UVRAG: variants seen among roughly 807,000 people sequenced by gnomAD.
The protein encoded by UVRAG is UV radiation resistance-associated gene protein.
In UVRAG, 19 loss-of-function variants were observed where a neutral mutation model predicts 78.0. That is an observed-to-expected ratio of 0.24 (90% CI 0.17 to 0.36). UVRAG has a LOEUF of 0.36. Ranked by LOEUF, UVRAG falls within the 10% of genes least tolerant of loss-of-function variation. The pLI is 1.00. For synonymous variants in UVRAG, 323 were observed against 324.6 expected, an observed-to-expected ratio of 1.00 and a Z score of 0.05; for missense variants, 740 against 853.8, an observed-to-expected ratio of 0.87 and a Z score of 1.66.
At chr11:75,955,536 A>T (rs1455544389) in intron 6 of UVRAG, among the ~76,000 whole-genome samples, 3 of 151,954 alleles carry the variant, frequency 2.0e-5, no homozygotes, top group Non-Finnish European at 4.4e-5. Flanking sequence ...CCGAGGTAAA[A>T]TTCACACACA....
chr11:76,116,923 G>A (rs554089941), intron 14 of UVRAG, among the ~76,000 whole-genome samples: 1 of 152,308 alleles, frequency 6.6e-6, no homozygotes, highest in East Asian at 1.9e-4. Flanking sequence ...CCAGATGTCT[G>A]GTCTTAGATA....
rs552386321 is a variant in UVRAG at position 75,872,038 on chromosome 11, A to C, written c.271-7841A>C. ...TATTGGAGTCTTTTTAAAAAAATTG[A>C]TGGGATATATTTGATCTAACTTGAT... On this transcript the variant is annotated intron_variant, in intron 3 of 14. Transcript: ENST00000356136. Among the ~76,000 whole-genome samples, 14 of 152,328 alleles carry C rather than the reference A, an allele frequency of 9.2e-5. No homozygotes were observed. The South Asian group carries it at 2.9e-3, about 32-fold the overall frequency.
chr11:76,117,646 T>C (rs1437760608), intron 14 of UVRAG, among the ~76,000 whole-genome samples: 1 of 152,076 alleles, frequency 6.6e-6, no homozygotes, highest in Non-Finnish European at 1.5e-5. Context: ...ATTGAACTTA[T>C]CCTCATAATC....
chr11:75,879,649 T>C (rs1274223219), intron 3 of UVRAG, among the ~76,000 whole-genome samples: 1 of 152,242 alleles, frequency 6.6e-6, no homozygotes, highest in Non-Finnish European at 1.5e-5. Context: ...AAGTGAGTGA[T>C]AGGAATATAC....
chr11:76,023,279 C>A (rs1365812430), intron 12 of UVRAG, among the ~76,000 whole-genome samples: 1 of 152,108 alleles, frequency 6.6e-6, no homozygotes, highest in African/African-American at 2.4e-5. Flanking sequence ...AAAGTGTAGG[C>A]CCTTCAGGTT....
At chr11:75,991,830 C>T (rs1230104193) in intron 8 of UVRAG, among the ~76,000 whole-genome samples, 1 of 151,972 alleles carries the variant, frequency 6.6e-6, no homozygotes, top group Non-Finnish European at 1.5e-5. Context: ...AGCAAATGAA[C>T]ATCTAAACAG....
intron 12 of UVRAG, among the ~76,000 whole-genome samples, chr11:76,042,666 C>CA (rs1398305410): frequency 1.3e-5 from 2 of 152,206 alleles, no homozygotes; most frequent in Admixed American, 6.5e-5. Context: ...TGCACTAAGA[C>CA]AGACACGTGG....
intron 7 of UVRAG, among the ~76,000 whole-genome samples, chr11:75,973,454 G>A (rs2135244502): frequency 6.6e-6 from 1 of 152,246 alleles, no homozygotes; most frequent in East Asian, 1.9e-4. Context: ...CTAATATTTT[G>A]TAGTGTCTTT....
intron 1 of UVRAG, among the ~76,000 whole-genome samples, chr11:75,849,725 A>G (rs1443470970): frequency 6.6e-6 from 1 of 152,204 alleles, no homozygotes; most frequent in Admixed American, 6.5e-5. Flanking sequence ...GCCGAACAAA[A>G]TAAGTGCTAT....
In UVRAG at chr11:76,004,013, T is replaced by A; in HGVS notation, c.835T>A (p.Phe279Ile). 1 of 1,613,772 alleles carries A rather than the reference T, an allele frequency of 6.2e-7. No homozygotes were observed. The highest frequency in any genetic ancestry group is 8.5e-7 in the Non-Finnish European group (1 of 1,179,822). Residue 279 changes from phenylalanine (F) to isoleucine (I), a missense_variant, in exon 9 of 15, where the codon TTT becomes ATT. Phe to Ile is a conservative substitution (Grantham distance 21, BLOSUM62 0). Coordinates refer to ENST00000356136, the MANE Select transcript of UVRAG (RefSeq NM_003369.4). ...QIALQDKGSA[F>I]SAEHLKLQLQ... ...CTTCCTTTTCTTTCTAGGAAGTGCA[T>A]TTTCAGCTGAGCACCTCAAACTTCA...
At chr11:75,908,621 A>G (rs1417724937) in intron 5 of UVRAG, among the ~76,000 whole-genome samples, 1 of 142,030 alleles carries the variant, frequency 7.0e-6, no homozygotes, top group Non-Finnish European at 1.5e-5. Context: ...CTTAAGAAGT[A>G]TTTCCTTGCT....
intron 5 of UVRAG, among the ~76,000 whole-genome samples, chr11:75,910,559 A>G (rs1012661208): frequency 1.5e-5 from 2 of 129,990 alleles, no homozygotes; most frequent in Non-Finnish European, 3.2e-5. Flanking sequence ...TTTTTTTGAC[A>G]GTGTCTTGCT....
chr11:76,109,613 A>G (rs1430992136), intron 13 of UVRAG, among the ~76,000 whole-genome samples: 2 of 152,160 alleles, frequency 1.3e-5, no homozygotes, highest in Non-Finnish European at 2.9e-5. Context: ...CTCTCATTCC[A>G]AAGACAGAGA....
intron 13 of UVRAG, among the ~76,000 whole-genome samples, chr11:76,075,994 A>G (rs1019983583): frequency 1.3e-5 from 2 of 152,102 alleles, no homozygotes; most frequent in African/African-American, 4.8e-5. Flanking sequence ...TCCATTTACG[A>G]GTTGATAGAC....
chr11:75,830,330 C>T (rs541896099), intron 1 of UVRAG, among the ~76,000 whole-genome samples: 5 of 151,838 alleles, frequency 3.3e-5, no homozygotes, highest in East Asian at 3.9e-4. Context: ...AGTGCAGTGG[C>T]GTGATCTTGG....
At chr11:75,917,068 TA>T (rs1947872242) in intron 6 of UVRAG, among the ~76,000 whole-genome samples, 3 of 152,182 alleles carry the variant, frequency 2.0e-5, no homozygotes, top group African/African-American at 7.2e-5. Flanking sequence ...AGTCCCTGAG[TA>T]ATAAGGAGGA....
At chr11:76,011,175 T>C (rs1410906842) in intron 11 of UVRAG, among the ~76,000 whole-genome samples, 2 of 152,192 alleles carry the variant, frequency 1.3e-5, no homozygotes, top group Non-Finnish European at 2.9e-5. Flanking sequence ...TTTAATAAAT[T>C]AGTGTAGCTT....
chr11:76,087,110 T>G (rs1951601655), intron 13 of UVRAG, among the ~76,000 whole-genome samples: 1 of 152,246 alleles, frequency 6.6e-6, no homozygotes, highest in Non-Finnish European at 1.5e-5. Flanking sequence ...TCCTTAATTT[T>G]CAAGTGTGAG....
intron 14 of UVRAG, among the ~76,000 whole-genome samples, chr11:76,127,830 G>C (rs2094298383): frequency 2.0e-5 from 3 of 152,038 alleles, no homozygotes; most frequent in Admixed American, 2.0e-4. Context: ...GGTAGTGTAT[G>C]CCTGTAATCC....
Sources: gnomAD v4.1 joint callset for allele counts (sites outside exome capture counted in the v4.1 genomes callset) on GRCh38, gnomAD v4.1.1 for gene constraint, MANE v1.5 for transcripts, NCBI Gene and HGNC (gene_info 2026-07-23, HGNC 2026-07-21) for gene names.